PITPNC1: variants seen among roughly 807,000 people sequenced by gnomAD.
PITPNC1 encodes the protein cytoplasmic phosphatidylinositol transfer protein 1.
A neutral mutation model predicts 44.7 loss-of-function variants in PITPNC1; 18 were observed. The observed-to-expected ratio is 0.40, with a 90% CI of 0.28 to 0.60. The LOEUF (loss-of-function observed/expected upper bound fraction) is 0.60, where lower values mean the gene tolerates loss of function less well. PITPNC1 is among the 20% of genes least tolerant of loss of function. PITPNC1 has a pLI of 0.39. For missense variants in PITPNC1, 290 were observed against 418.4 expected (o/e 0.69, Z 2.68); for synonymous variants, 141 against 149.6 (o/e 0.94, Z 0.42).
At chr17:67,674,401 G>A (rs1230673259) in intron 7 of PITPNC1, among the ~76,000 whole-genome samples, 1 of 151,762 alleles carries the variant, frequency 6.6e-6, no homozygotes, top group Non-Finnish European at 1.5e-5. Flanking sequence ...CTACTGAGGA[G>A]GCTAAGGCAC....
At chr17:67,576,905 G>A (rs1442415093) in intron 4 of PITPNC1, among the ~76,000 whole-genome samples, 1 of 152,118 alleles carries the variant, frequency 6.6e-6, no homozygotes, top group African/African-American at 2.4e-5. Flanking sequence ...TCACAGTGTT[G>A]CTCTTAGGTA....
intron 8 of PITPNC1, among the ~76,000 whole-genome samples, chr17:67,687,878 A>G (rs543476281): frequency 4.6e-5 from 7 of 152,066 alleles, no homozygotes; most frequent in Admixed American, 2.0e-4. Flanking sequence ...GTAATCTCTC[A>G]ATCATTCATG....
intron 1 of PITPNC1, 111 bp from the exon 2 acceptor site, chr17:67,532,691 T>G (rs1409309522): frequency 5.0e-6 from 4 of 804,960 alleles, no homozygotes; most frequent in Non-Finnish European, 7.7e-6. Flanking sequence ...CTGCCTTCTC[T>G]TCTCAGCAGA....
intron 1 of PITPNC1, among the ~76,000 whole-genome samples, chr17:67,530,118 G>T (rs1320164671): frequency 2.1e-5 from 3 of 142,002 alleles, no homozygotes; most frequent in Admixed American, 7.1e-5. Context: ...TTGAGATGGG[G>T]TCTCGCTCTG....
intron 7 of PITPNC1, among the ~76,000 whole-genome samples, chr17:67,675,010 CA>C (rs11372163): frequency 0.6 from 68,409 of 114,016 alleles, 17,863 homozygotes; most frequent in Non-Finnish European, 0.62. Context: ...GACTCTGTCT[CA>C]AAAAAAAAAA....
chr17:67,625,283 G>A (rs919905162), intron 5 of PITPNC1, among the ~76,000 whole-genome samples: 3 of 152,184 alleles, frequency 2.0e-5, no homozygotes, highest in Non-Finnish European at 4.4e-5. Context: ...GACAAATTCA[G>A]CCCAAGGAGC....
At chr17:67,431,531 T>G (rs947107338) in intron 1 of PITPNC1, among the ~76,000 whole-genome samples, 2 of 152,222 alleles carry the variant, frequency 1.3e-5, no homozygotes, top group African/African-American at 4.8e-5. Flanking sequence ...TTGCAGTTTT[T>G]AAGTTGTGGT....
chr17:67,524,214 G>A (rs1366765867), intron 1 of PITPNC1, among the ~76,000 whole-genome samples: 3 of 152,142 alleles, frequency 2.0e-5, no homozygotes, highest in South Asian at 4.1e-4. Context: ...AGGCTGTGGC[G>A]GGAGGATGGC....
intron 1 of PITPNC1, among the ~76,000 whole-genome samples, chr17:67,495,587 G>A (rs558342267): frequency 3.3e-5 from 5 of 152,228 alleles, no homozygotes; most frequent in East Asian, 1.9e-4. Flanking sequence ...CTTTGTGTCC[G>A]TGTGTTCTCA....
intron 5 of PITPNC1, among the ~76,000 whole-genome samples, chr17:67,618,677 A>G (rs1346086780): frequency 6.6e-6 from 1 of 151,514 alleles, no homozygotes; most frequent in Admixed American, 6.6e-5. Flanking sequence ...ACTTGAACCC[A>G]GGAGGTGGAG....
At chr17:67,416,740 C>G in intron 1 of PITPNC1, among the ~76,000 whole-genome samples, 1 of 152,194 alleles carries the variant, frequency 6.6e-6, no homozygotes. Context: ...TGTCACCATT[C>G]AAGAACAACT....
chr17:67,569,496 C>G (rs909954624), intron 4 of PITPNC1, among the ~76,000 whole-genome samples: 87 of 152,320 alleles, frequency 5.7e-4, no homozygotes, highest in Admixed American at 2.4e-3. Flanking sequence ...AAATGTTCCA[C>G]CATCACTTTT....
At chr17:67,522,876 T>C (rs1213794977) in intron 1 of PITPNC1, among the ~76,000 whole-genome samples, 3 of 151,976 alleles carry the variant, frequency 2.0e-5, no homozygotes, top group African/African-American at 4.8e-5. Context: ...CCCTATGTTG[T>C]CCAGGGTGGT....
intron 4 of PITPNC1, among the ~76,000 whole-genome samples, chr17:67,574,796 T>TC (rs1207761413): frequency 6.6e-6 from 1 of 152,102 alleles, no homozygotes; most frequent in Non-Finnish European, 1.5e-5. Flanking sequence ...AAGGGGATTA[T>TC]CAGCCCCAAC....
intron 1 of PITPNC1, among the ~76,000 whole-genome samples, chr17:67,406,001 TTCCTAGTA>T (rs1187481733): frequency 6.6e-6 from 1 of 152,228 alleles, no homozygotes; most frequent in Non-Finnish European, 1.5e-5. Flanking sequence ...TTGCTATTTT[TTCCTAGTA>T]ACTTTTCAAA....
At chr17:67,686,990 C>T (rs2144462006) in intron 8 of PITPNC1, 1 of 822,520 alleles carries the variant, frequency 1.2e-6, no homozygotes, top group South Asian at 1.4e-5. Flanking sequence ...TGCTCAGCTA[C>T]CATCTTTCCC....
At chr17:67,477,707 GT>G (rs2039650085) in intron 1 of PITPNC1, among the ~76,000 whole-genome samples, 1 of 152,124 alleles carries the variant, frequency 6.6e-6, no homozygotes, top group Non-Finnish European at 1.5e-5. Context: ...CATCAGGTCT[GT>G]TTAATTTTTA....
intron 4 of PITPNC1, among the ~76,000 whole-genome samples, chr17:67,577,377 C>T (rs2041164099): frequency 6.6e-6 from 1 of 152,018 alleles, no homozygotes; most frequent in East Asian, 1.9e-4. Context: ...CTTTTGAGCT[C>T]AGGAGTTCGA....
intron 1 of PITPNC1, among the ~76,000 whole-genome samples, chr17:67,424,860 C>T (rs753676027): frequency 6.6e-6 from 1 of 151,992 alleles, no homozygotes; most frequent in Non-Finnish European, 1.5e-5. Flanking sequence ...TTCGTGTATA[C>T]ATCCAGATGG....
Sources: allele counts gnomAD v4.1 joint callset (sites outside exome capture counted in the v4.1 genomes callset), GRCh38; gene constraint gnomAD v4.1.1; transcripts MANE v1.5; gene names NCBI Gene and HGNC (gene_info 2026-07-23, HGNC 2026-07-21).